LONRF2: variants seen among roughly 807,000 people sequenced by gnomAD.
LONRF2 encodes the protein LON peptidase N-terminal domain and ring finger 2.
In LONRF2, 35 loss-of-function variants were observed where a neutral mutation model predicts 66.6. The observed-to-expected ratio is 0.53, with a 90% confidence interval of 0.40 to 0.70. The LOEUF (loss-of-function observed/expected upper bound fraction) is 0.70. LONRF2 is among the 30% of genes least tolerant of loss of function. The pLI is 0.00. For missense variants in LONRF2, 902 were observed against 1,002.1 expected (o/e 0.90, Z 1.35); for synonymous variants, 417 against 418.1 (o/e 1.00, Z 0.03).
Position 100,294,234 on chromosome 2 carries a change from G to A in LONRF2, c.1752C>T (p.His584=), listed in dbSNP as rs369587155. The A allele has an allele frequency of 9.4e-6, 15 of 1,603,014 alleles. No homozygotes were observed. In the African/African-American group the frequency reaches 1.3e-4, roughly 14 times the overall value. Reference sequence around the variant, plus strand: ...CAAATGCTAACAGTTCTTACCCCGCGTGCTCAGCAGATAAACACATGCCAA... The same window carrying A: ...CAAATGCTAACAGTTCTTACCCCGCATGCTCAGCAGATAAACACATGCCAA... ...KRFGMCLSAE[H]AGLSEYGCML... The change falls in exon 9 of 12, where the codon CAC becomes CAT. Residue 584 remains histidine, a synonymous_variant. Transcript: ENST00000393437.
chr2:100,317,377 G>C (rs572564909), intron 1 of LONRF2, among the ~76,000 whole-genome samples: 122 of 152,086 alleles, frequency 8.0e-4, no homozygotes, highest in African/African-American at 2.7e-3. Flanking sequence ...AATTGGTACT[G>C]TTACTACCTC....
chr2:100,287,787 G>A (rs1362089266), intron 10 of LONRF2, among the ~76,000 whole-genome samples: 2 of 152,136 alleles, frequency 1.3e-5, no homozygotes, highest in African/African-American at 2.4e-5. Context: ...GGAATCACGG[G>A]GCCAGGGTTT....
rs763211277 is a variant in LONRF2, at chr2:100,290,375, C to T, written c.1803G>A (p.Thr601=). ...GCMLEIKDVR[T]FPDGSSVVDA... ...CTACAACAGAACTTCCATCAGGAAACGTTCTCACGTCCTTAATCTCCAGCA... is the reference window on the plus strand; with the variant it reads ...CTACAACAGAACTTCCATCAGGAAATGTTCTCACGTCCTTAATCTCCAGCA... Residue 601 remains threonine (T), a synonymous_variant, in exon 10 of 12, where the codon ACG becomes ACA. Coordinates refer to ENST00000393437, the MANE Select transcript of LONRF2 (RefSeq NM_198461.4). 8 of 1,614,116 alleles carry T rather than the reference C, an allele frequency of 5.0e-6. No homozygotes were observed. Among genetic ancestry groups the T allele is most frequent in the South Asian group, 1.1e-5 (1 of 91,070 alleles).
rs1313739297 is a variant in LONRF2, at chr2:100,280,510, TCACGCCTGTAATCC to T, written c.*3774_*3787del. ...GGGGAGATGGGCCGGGCACGGTGGC[TCACGCCTGTAATCC>T]CAGCACTGTGGGAGGCCGAGGCGGG... On this transcript the variant is annotated 3_prime_UTR_variant, in exon 12 of 12. Coordinates refer to ENST00000393437, the MANE Select transcript of LONRF2 (RefSeq NM_198461.4). The T allele has an allele frequency of 6.6e-6, 1 of 152,188 alleles. No individual in the cohort carries two copies. The highest frequency in any genetic ancestry group is 6.5e-5 in the Admixed American group (1 of 15,268). The allele number at this position is 152,188 out of a possible 1,614,324, so 9.4% of individuals were successfully genotyped here.
At chr2:100,315,821 G>C (rs187329462) in intron 1 of LONRF2, among the ~76,000 whole-genome samples, 1 of 152,084 alleles carries the variant, frequency 6.6e-6, no homozygotes, top group East Asian at 1.9e-4. Context: ...ACTGATTTTG[G>C]CTCCTTTATT....
Position 100,281,530 on chromosome 2 carries a change from G to A in LONRF2, c.*2768C>T, listed in dbSNP as rs1380998141. The A allele has an allele frequency of 1.3e-5, 2 of 152,088 alleles. No homozygotes were observed. Among genetic ancestry groups the A allele is most frequent in the Non-Finnish European group, 2.9e-5 (2 of 68,026 alleles). 9.4% of individuals were successfully genotyped at this position (152,088 alleles called of 1,614,324 possible). On this transcript the variant is annotated 3_prime_UTR_variant, in exon 12 of 12. Transcript: ENST00000393437. Reference sequence around the variant, plus strand: ...GGATGGGATAAGCTAAAAATGCCACGGGCTTTCAGAAAGCTGCCTTTGGGA... The same window carrying A: ...GGATGGGATAAGCTAAAAATGCCACAGGCTTTCAGAAAGCTGCCTTTGGGA...
Position 100,275,037 on chromosome 2 carries a change from C to T in LONRF2, c.*9261G>A, listed in dbSNP as rs1321840847. 6.6e-6 allele frequency: 1 copy of T among 152,384 alleles called. No homozygotes were observed. The highest frequency in any genetic ancestry group is 1.5e-5 in the Non-Finnish European group (1 of 68,180). The allele number at this position is 152,384 out of a possible 1,614,324, so 9.4% of individuals were successfully genotyped here. A position where few individuals can be genotyped will look rare whatever the true frequency, so the allele number is the denominator to read the frequency against. On this transcript the variant is annotated 3_prime_UTR_variant, in exon 12 of 12. Transcript: ENST00000393437. ...GTGGCTTACTAACTGGACCCCCACC[C>T]TGGGGAGCATGGCCGCTGCTGGCAT...
In LONRF2 at chr2:100,299,850, T is replaced by A; in HGVS notation, c.1134A>T (p.Leu378=). 6.2e-7 allele frequency: 1 copy of A among 1,612,564 alleles called. No individual in the cohort carries two copies. The highest frequency in any genetic ancestry group is 8.5e-7 in the Non-Finnish European group (1 of 1,178,676). Residue 378 remains leucine (L), a synonymous_variant, in exon 5 of 12, where the codon CTA becomes CTT. Transcript: ENST00000393437. ...NSSVLYFILG[L]HFEEDKKALE... is the part of the protein sequence containing the mutation. ...ACGCCTTTTTATCCTCTTCAAAGTG[T>A]AGACCCAGTATAAAATACAAAACTG...
At chr2:100,296,682 A>T (rs1172306563) in intron 7 of LONRF2, among the ~76,000 whole-genome samples, 1 of 152,222 alleles carries the variant, frequency 6.6e-6, no homozygotes, top group Non-Finnish European at 1.5e-5. Context: ...TCACAGGGTA[A>T]CTGGTAGAGA....
intron 11 of LONRF2, among the ~76,000 whole-genome samples, chr2:100,284,994 T>TTA (rs985890741): frequency 3.9e-5 from 6 of 152,230 alleles, no homozygotes; most frequent in Non-Finnish European, 7.3e-5. Flanking sequence ...TTATCATAAA[T>TTA]TATATATATA....
Position 100,321,465 on chromosome 2 carries a change from T to C in LONRF2, c.629A>G (p.Gln210Arg). 1 of 1,505,278 alleles carries C rather than the reference T, an allele frequency of 6.6e-7. No individual in the cohort carries two copies. 93.2% of individuals were successfully genotyped at this position (1,505,278 alleles called of 1,614,324 possible). A position where few individuals can be genotyped will look rare whatever the true frequency, so the allele number is the denominator to read the frequency against. Residue 210 changes from glutamine (Q) to arginine (R), a missense_variant, in exon 1 of 12, where the codon CAG (glutamine) becomes CGG (arginine). Gln to Arg is a conservative substitution (Grantham distance 43). Coordinates refer to ENST00000393437, the MANE Select transcript of LONRF2 (RefSeq NM_198461.4). ...LAGQARSLQR[Q>R]QQPEAALLRC... is the part of the protein sequence containing the mutation. ...GAGCAGCGCGGCCTCCGGCTGCTGC[T>C]GGCGCTGCAGGCTCCGCGCCTGGCC...
intron 2 of LONRF2, among the ~76,000 whole-genome samples, chr2:100,308,195 C>A (rs1675335288): frequency 6.7e-6 from 1 of 149,100 alleles, no homozygotes; most frequent in Admixed American, 6.8e-5. Context: ...CAGTGAAACC[C>A]TGTCTCTACT....
rs1021443394 is a variant in LONRF2 at position 100,321,859 on chromosome 2, C to G, written c.235G>C (p.Gly79Arg). The part of the protein sequence containing the change: ...ARAGRLPEAL[G>R]AFRGAARLGA... ...AGCCGCGCGGCGCCGCGGAACGCGC[C>G]CAGGGCTTCGGGGAGGCGGCCGGCG... Residue 79 changes from glycine to arginine, a missense_variant, in exon 1 of 12, where the codon GGC becomes CGC. This residue lies in a region of LONRF2 where 585 missense variants were observed against 569.9 expected (regional missense o/e 1.03). Transcript: ENST00000393437. The G allele has an allele frequency of 1.7e-6, 2 of 1,190,934 alleles. No homozygotes were observed. The highest frequency in any genetic ancestry group is 3.2e-5 in the African/African-American group (2 of 62,256). 73.8% of individuals were successfully genotyped at this position (1,190,934 alleles called of 1,614,324 possible). A position where few individuals can be genotyped will look rare whatever the true frequency, so the allele number is the denominator to read the frequency against.
chr2:100,317,355 C>T (rs1293852347), intron 1 of LONRF2, among the ~76,000 whole-genome samples: 1 of 152,100 alleles, frequency 6.6e-6, no homozygotes, highest in Non-Finnish European at 1.5e-5. Flanking sequence ...CCTGATTTAG[C>T]AGTCTACTTT....
chr2:100,318,570 T>C (rs1167089240), intron 1 of LONRF2, among the ~76,000 whole-genome samples: 2 of 152,004 alleles, frequency 1.3e-5, no homozygotes, highest in African/African-American at 4.8e-5. Flanking sequence ...CTCATGTCTA[T>C]AATCCCAGCA....
At chr2:100,297,331 G>T (rs951010439) in intron 7 of LONRF2, among the ~76,000 whole-genome samples, 1 of 151,690 alleles carries the variant, frequency 6.6e-6, no homozygotes, top group South Asian at 2.1e-4. Context: ...TAGAGACGGG[G>T]TTTCACCGTG....
chr2:100,305,183 C>G (rs1675267448), intron 2 of LONRF2, among the ~76,000 whole-genome samples: 1 of 152,030 alleles, frequency 6.6e-6, no homozygotes, highest in South Asian at 2.1e-4. Context: ...ACTCAGGGAC[C>G]AAAAAGACAA....
intron 1 of LONRF2, among the ~76,000 whole-genome samples, chr2:100,316,349 T>TTTCTAATAATTATTAAAAATTCTAAAAA (rs1675507956): frequency 7.1e-6 from 1 of 140,492 alleles, no homozygotes; most frequent in African/African-American, 3.0e-5. Flanking sequence ...GAAAGAAAAT[T>TTTCTAATAATTATTAAAAATTCTAAAAA]TTCTAATAAT....
rs922019363 is a variant in LONRF2, at chr2:100,277,493, G to T, written c.*6805C>A. The T allele has an allele frequency of 3.3e-5, 5 of 152,128 alleles. No homozygotes were observed. The highest frequency in any genetic ancestry group is 1.2e-4 in the African/African-American group (5 of 41,378). The allele number at this position is 152,128 out of a possible 1,614,324, so 9.4% of individuals were successfully genotyped here. A position where few individuals can be genotyped will look rare whatever the true frequency, so the allele number is the denominator to read the frequency against. On this transcript the variant is annotated 3_prime_UTR_variant, in exon 12 of 12. Transcript: ENST00000393437. ...CTCTGGTGTATTCTACCCACAGGAG[G>T]GTGGTCTCCCATGTCCTCAGTCCCT...
Sources: gnomAD v4.1 joint callset for allele counts (sites outside exome capture counted in the v4.1 genomes callset) on GRCh38, gnomAD v4.1.1 for gene constraint, gnomAD v4.1.1 regional missense constraint, MANE v1.5 for transcripts, NCBI Gene and HGNC (gene_info 2026-07-23, HGNC 2026-07-21) for gene names.